Variants in TXLNG observed in about 807,000 individuals in gnomAD.
TXLNG encodes the protein gamma-taxilin.
TXLNG carries 5 observed loss-of-function variants against 38.8 expected under a neutral mutation model. The observed-to-expected ratio is 0.13, with a 90% CI of 0.07 to 0.27. The LOEUF is 0.27. TXLNG is among the 10% of genes least tolerant of loss of function. The pLI, the probability that TXLNG is intolerant of heterozygous loss-of-function variation, is 1.00. For synonymous variants in TXLNG, 182 were observed against 158.2 expected (o/e 1.15, Z -1.13); for missense variants, 393 against 398.2 (o/e 0.99, Z 0.11).
At chrX:16,830,713 T>C (rs1929360789) in intron 5 of TXLNG, among the ~76,000 whole-genome samples, 1 of 108,515 alleles carries the variant, frequency 9.2e-6, no homozygotes, top group African/African-American at 3.4e-5. Context: ...TTTTTAAAGA[T>C]TTTATTTTTC....
rs1929927290 is a variant in TXLNG, at chrX:16,843,196, C to A, written c.*1430C>A. 1 of 112,409 alleles carries A rather than the reference C, an allele frequency of 8.9e-6. No homozygotes were observed. The highest frequency in any genetic ancestry group is 1.9e-5 in the Non-Finnish European group (1 of 53,284). The allele number at this position is 112,409 out of a possible 1,213,427, so 9.3% of individuals were successfully genotyped here. On this transcript the variant is annotated 3_prime_UTR_variant, in exon 10 of 10. Coordinates refer to ENST00000380122, the MANE Select transcript of TXLNG (RefSeq NM_018360.3). The stretch of plus-strand genomic sequence containing the variant: ...GACACTTGTTAAATTGCTTACTGGA[C>A]TGAATAAACTCTGTTTTGTCCAGTT...
intron 7 of TXLNG, among the ~76,000 whole-genome samples, chrX:16,836,962 T>C (rs1406056273): frequency 9.0e-6 from 1 of 111,159 alleles, no homozygotes; most frequent in Non-Finnish European, 1.9e-5. Flanking sequence ...AGTGTGCCCT[T>C]CCCCGTATAC....
chrX:16,824,880 C>T (rs746541364), intron 3 of TXLNG, among the ~76,000 whole-genome samples: 8 of 108,891 alleles, frequency 7.3e-5, no homozygotes, highest in Admixed American at 2.0e-4. Flanking sequence ...GAGCCAAGAT[C>T]GCACCACTGC....
chrX:16,804,525 G>A (rs1413641634), intron 1 of TXLNG, among the ~76,000 whole-genome samples: 2 of 106,388 alleles, frequency 1.9e-5, no homozygotes, highest in African/African-American at 6.9e-5. Context: ...AGTATGTTGA[G>A]TGACCTGTTT....
intron 3 of TXLNG, among the ~76,000 whole-genome samples, chrX:16,823,163 C>T (rs1929037020): frequency 9.0e-6 from 1 of 110,833 alleles, no homozygotes; most frequent in Non-Finnish European, 1.9e-5. Flanking sequence ...CTTGAAGCAA[C>T]ACATATTTCA....
intron 3 of TXLNG, among the ~76,000 whole-genome samples, chrX:16,824,390 T>A (rs1310755964): frequency 1.8e-5 from 2 of 110,881 alleles, no homozygotes; most frequent in Admixed American, 1.9e-4. Flanking sequence ...TAAAATTAGA[T>A]CCTTACACAC....
At chrX:16,809,457 C>T (rs777407332) in intron 1 of TXLNG, among the ~76,000 whole-genome samples, 78 of 106,517 alleles carry the variant, frequency 7.3e-4, no homozygotes, top group African/African-American at 2.5e-3. Context: ...CATTCTCCTG[C>T]CTCAGCCTCC....
chrX:16,840,643 G>A lies in TXLNG; in HGVS notation c.1248+727G>A, dbSNP rs760252416. ...AAAAATCAGCTGGGCGTAGTGGCAC[G>A]TGCCTGTAGTCCCAGCTACCCAGGA... On this transcript the variant is annotated intron_variant, in intron 9 of 9. Coordinates refer to ENST00000380122, the MANE Select transcript of TXLNG (RefSeq NM_018360.3). 1.9e-3 allele frequency: 249 copies of A among 132,639 alleles called. 1 individual carries two copies. Among genetic ancestry groups the A allele is most frequent in the Non-Finnish European group, 2.7e-3 (194 of 72,695 alleles). 10.9% of individuals were successfully genotyped at this position (132,639 alleles called of 1,213,427 possible).
chrX:16,802,075 T>C (rs1928118128), intron 1 of TXLNG, among the ~76,000 whole-genome samples: 1 of 102,702 alleles, frequency 9.7e-6, no homozygotes, highest in Admixed American at 1.1e-4. Flanking sequence ...TGCCTCAGCC[T>C]CCCGAGTAGC....
intron 1 of TXLNG, among the ~76,000 whole-genome samples, chrX:16,816,691 T>A (rs898146709): frequency 1.8e-5 from 2 of 112,359 alleles, no homozygotes; most frequent in African/African-American, 3.2e-5. Flanking sequence ...TAATTTTTTT[T>A]AAGATGTCAA....
At chrX:16,792,826 G>T (rs1309311307) in intron 1 of TXLNG, among the ~76,000 whole-genome samples, 1 of 110,491 alleles carries the variant, frequency 9.1e-6, no homozygotes, top group Non-Finnish European at 1.9e-5. Flanking sequence ...GCCAGGCACA[G>T]TGGCTCATGC....
At chrX:16,786,652 G>C (rs1927494545) in intron 1 of TXLNG, 63 bp downstream of exon 1, 1 of 819,423 alleles carries the variant, frequency 1.2e-6, no homozygotes. Context: ...CCCTTTTTCA[G>C]GGTCCACCTC....
At chrX:16,827,021 G>A (rs946440128) in intron 3 of TXLNG, among the ~76,000 whole-genome samples, 1 of 109,092 alleles carries the variant, frequency 9.2e-6, no homozygotes, top group Non-Finnish European at 1.9e-5. Context: ...TTGAGGTCAT[G>A]AGTTTGAGAC....
intron 1 of TXLNG, among the ~76,000 whole-genome samples, chrX:16,788,771 G>A (rs774244060): frequency 2.9e-5 from 3 of 104,943 alleles, no homozygotes; most frequent in Non-Finnish European, 3.9e-5. Flanking sequence ...GGGTTCCAGC[G>A]ATTCTCGTGC....
intron 1 of TXLNG, among the ~76,000 whole-genome samples, chrX:16,810,723 C>T (rs1928481164): frequency 8.9e-6 from 1 of 112,212 alleles, no homozygotes; most frequent in Non-Finnish European, 1.9e-5. Flanking sequence ...GAGTCTTGCT[C>T]TATTGCCCAG....
At chrX:16,786,691 G>T in intron 1 of TXLNG, 102 bp downstream of exon 1, 2 of 548,426 alleles carry the variant, frequency 3.6e-6, no homozygotes, top group South Asian at 6.9e-5. Context: ...CTATAGCCAC[G>T]GGACGAACAT....
intron 1 of TXLNG, among the ~76,000 whole-genome samples, chrX:16,787,574 A>G (rs903366572): frequency 9.0e-6 from 1 of 110,560 alleles, no homozygotes; most frequent in Non-Finnish European, 1.9e-5. Context: ...AGAACGGGAC[A>G]ATTCCACTTG....
chrX:16,840,274 C>A (rs1275247162), intron 9 of TXLNG, among the ~76,000 whole-genome samples: 1 of 112,435 alleles, frequency 8.9e-6, no homozygotes, highest in Non-Finnish European at 1.9e-5. Flanking sequence ...GATTGCTGGG[C>A]TTCTCCCAGA....
At chrX:16,793,394 C>G (rs1927770187) in intron 1 of TXLNG, among the ~76,000 whole-genome samples, 1 of 110,982 alleles carries the variant, frequency 9.0e-6, no homozygotes, top group Non-Finnish European at 1.9e-5. Flanking sequence ...GATTTGCATT[C>G]TGTGTTGCAT....
Sources: allele counts gnomAD v4.1 joint callset (sites outside exome capture counted in the v4.1 genomes callset), GRCh38; gene constraint gnomAD v4.1.1; transcripts MANE v1.5; gene names NCBI Gene and HGNC (gene_info 2026-07-23, HGNC 2026-07-21).